The following FCGR1A variants were observed in gnomAD, a reference collection of about 807,000 sequenced individuals.
The protein encoded by FCGR1A is Fc gamma receptor Ia.
FCGR1A carries 13 observed loss-of-function variants against 35.0 expected under a neutral mutation model. The ratio of observed to expected loss-of-function variants is 0.37; its 90% CI spans 0.24 to 0.59. The LOEUF (loss-of-function observed/expected upper bound fraction) is 0.59, where lower values mean the gene tolerates loss of function less well. Among genes scored for constraint, FCGR1A ranks in the 20% least tolerant of loss-of-function variants. FCGR1A has a pLI of 0.71. For missense variants in FCGR1A, 227 were observed against 430.0 expected, an observed-to-expected ratio of 0.53 and a Z score of 4.17; for synonymous variants, 91 against 164.7, an observed-to-expected ratio of 0.55 and a Z score of 3.43.
downstream of FCGR1A, chr1:149,793,240 C>T (rs1465750348): frequency 2.4e-6 from 3 of 1,255,526 alleles, no homozygotes; most frequent in African/African-American, 1.6e-5. Flanking sequence ...CAGCCGGAGG[C>T]GGCGGCGGCA....
At chr1:149,784,362 G>T (rs1272164206) in intron 3 of FCGR1A, 105 bp downstream of exon 3, 13 of 1,607,468 alleles carry the variant, frequency 8.1e-6, no homozygotes, top group South Asian at 6.6e-5. Flanking sequence ...CTGGGTGCAG[G>T]TCTCAGCACT....
At chr1:149,797,419 G>T in the FCGR1A span, among the ~76,000 whole-genome samples, 1 of 151,702 alleles carries the variant, frequency 6.6e-6, no homozygotes, top group African/African-American at 2.4e-5. Flanking sequence ...TATTACTTAT[G>T]TGCTTTTTCA....
At chr1:149,794,339 G>A (rs587682963), downstream of FCGR1A, among the ~76,000 whole-genome samples, 1 of 151,958 alleles carries the variant, frequency 6.6e-6, no homozygotes, top group Admixed American at 6.5e-5. Flanking sequence ...CAGCAAGTTG[G>A]TGGAGGAGGG....
At chr1:149,793,455 C>T (rs1288351018), downstream of FCGR1A, among the ~76,000 whole-genome samples, 25 of 152,288 alleles carry the variant, frequency 1.6e-4, 1 homozygote, top group Non-Finnish European at 1.0e-4. Flanking sequence ...CAAGGGCCCA[C>T]GGCCCATCCT....
At chr1:149,792,385 G>A, downstream of FCGR1A, 3 of 366,074 alleles carry the variant, frequency 8.2e-6, no homozygotes, top group South Asian at 9.4e-5. Flanking sequence ...AGGATACGCT[G>A]CTCTCATACT....
chr1:149,784,780 T>C (rs2091496951), intron 3 of FCGR1A, among the ~76,000 whole-genome samples: 1 of 151,114 alleles, frequency 6.6e-6, no homozygotes, highest in Non-Finnish European at 1.5e-5. Flanking sequence ...TATTGTCCTA[T>C]ATCTTACTTT....
intron 3 of FCGR1A, among the ~76,000 whole-genome samples, chr1:149,785,000 T>C (rs1347268273): frequency 2.0e-5 from 3 of 151,896 alleles, no homozygotes; most frequent in East Asian, 1.9e-4. Flanking sequence ...ATCTGTAAGA[T>C]AATATTCTGG....
downstream of FCGR1A, chr1:149,793,045 C>G: frequency 7.9e-7 from 1 of 1,261,674 alleles, no homozygotes; most frequent in South Asian, 1.3e-5. Flanking sequence ...CTCCCGGGCC[C>G]CGGCGCGGCG....
chr1:149,795,926 C>T (rs2091795346), downstream of FCGR1A, among the ~76,000 whole-genome samples: 1 of 151,018 alleles, frequency 6.6e-6, no homozygotes, highest in Non-Finnish European at 1.5e-5. Context: ...AACTGAAAGA[C>T]CCTAAGACAC....
rs1391946899 is a variant in FCGR1A, at chr1:149,784,056, G to A, written c.106G>A (p.Glu36Lys). Residue 36 changes from glutamate (E) to lysine (K), a missense_variant, in exon 3 of 6, where the codon GAG becomes AAG. This residue lies in a region of FCGR1A where 185 missense variants were observed against 306.6 expected (regional missense o/e 0.60). Transcript: ENST00000369168. ...GCCTCCATGGGTCAGCGTGTTCCAA[G>A]AGGAAACCGTAACCTTGCACTGTGA... ...LQPPWVSVFQ[E>K]ETVTLHCEVL... 1.2e-6 allele frequency: 2 copies of A among 1,610,680 alleles called. No homozygotes were observed. Among genetic ancestry groups the A allele is most frequent in the African/African-American group, 1.3e-5 (1 of 74,142 alleles).
chr1:149,800,236 T>C, the FCGR1A span, among the ~76,000 whole-genome samples: 2 of 152,256 alleles, frequency 1.3e-5, no homozygotes, highest in African/African-American at 4.8e-5. Flanking sequence ...GCACCTCCAC[T>C]GGGTGCGCCG....
At chr1:149,793,906 T>C, downstream of FCGR1A, 1 of 1,286,524 alleles carries the variant, frequency 7.8e-7, no homozygotes. Flanking sequence ...TTCTGGATCT[T>C]TCCTAGCTAA....
At chr1:149,788,670 T>C (rs1212297994) in intron 4 of FCGR1A, 53 bp downstream of exon 4, 2 of 1,578,670 alleles carry the variant, frequency 1.3e-6, no homozygotes, top group East Asian at 4.5e-5. Flanking sequence ...TGAGGGACCA[T>C]CATAAATATT....
chr1:149,784,423 G>C (rs1232262756), intron 3 of FCGR1A, among the ~76,000 whole-genome samples, 166 bp downstream of exon 3: 3 of 151,858 alleles, frequency 2.0e-5, no homozygotes, highest in Non-Finnish European at 2.9e-5. Context: ...ATCACAGCAG[G>C]GTCCTTAAAC....
the FCGR1A span, among the ~76,000 whole-genome samples, chr1:149,800,245 C>G: frequency 6.6e-6 from 1 of 152,184 alleles, no homozygotes; most frequent in Non-Finnish European, 1.5e-5. Flanking sequence ...CTGGGTGCGC[C>G]GCCCTTCAGG....
At position 149,790,395 on chromosome 1, in the gene FCGR1A, A is replaced by G. The variant is rs2091675457; in HGVS notation, c.844+57A>G. 3.2e-6 allele frequency: 5 copies of G among 1,551,854 alleles called. No homozygotes were observed. The Admixed American group carries it at 5.9e-5, about 18-fold the overall frequency. Reference sequence around the variant, plus strand: ...AGAAGAAGGGACTCCCTTATCTCCCATGGGACTGAGGTTTGTTCAAGGGTT... The same window carrying G: ...AGAAGAAGGGACTCCCTTATCTCCCGTGGGACTGAGGTTTGTTCAAGGGTT... On this transcript the variant is annotated intron_variant, in intron 5 of 5. Transcript: ENST00000369168.
chr1:149,799,786 G>T, the FCGR1A span, among the ~76,000 whole-genome samples: 57 of 152,104 alleles, frequency 3.7e-4, no homozygotes, highest in South Asian at 2.1e-4. Context: ...GGAATTTCTG[G>T]CTTATCTTGA....
At chr1:149,786,650 G>A (rs1435326094) in intron 3 of FCGR1A, 2 of 151,944 alleles carry the variant, frequency 1.3e-5, no homozygotes, top group East Asian at 3.9e-4. Flanking sequence ...TGAAGGTAGG[G>A]GAATGATTGT....
downstream of FCGR1A, chr1:149,792,189 A>G (rs1203600283): frequency 1.8e-5 from 3 of 162,608 alleles, no homozygotes; most frequent in Admixed American, 1.2e-4. Flanking sequence ...TGCCAGTCCT[A>G]GGCCCCTGCC....
Sources: allele counts gnomAD v4.1 joint callset (sites outside exome capture counted in the v4.1 genomes callset), GRCh38; gene constraint gnomAD v4.1.1; regional missense constraint gnomAD v4.1.1; transcripts MANE v1.5; gene names NCBI Gene and HGNC (gene_info 2026-07-23, HGNC 2026-07-21).